ANXA8: variants seen among roughly 807,000 people sequenced by gnomAD.
ANXA8 encodes the protein annexin A8.
ANXA8 carries 9 observed loss-of-function variants against 26.8 expected under a neutral mutation model. That is an observed-to-expected ratio of 0.34 (90% CI 0.20 to 0.59). The LOEUF (loss-of-function observed/expected upper bound fraction) is 0.59, where lower values mean the gene tolerates loss of function less well. Ranked by LOEUF, ANXA8 falls within the 20% of genes least tolerant of loss-of-function variation. The probability of loss-of-function intolerance (pLI) is 0.84; values close to 1 mark genes in which losing one functional copy is unlikely to be tolerated. For missense variants in ANXA8, 83 were observed against 238.5 expected (o/e 0.35, Z 4.29); for synonymous variants, 39 against 94.8 (o/e 0.41, Z 3.42).
chr10:47,487,109 T>C (rs1173425605), upstream of ANXA8: 4 of 1,193,204 alleles, frequency 3.4e-6, no homozygotes, highest in African/African-American at 3.1e-5. Flanking sequence ...ATTCTGTGCA[T>C]GTAATAAATA....
At chr10:47,535,085 C>T in the ANXA8 span, among the ~76,000 whole-genome samples, 1,737 of 121,130 alleles carry the variant, frequency 0.014, 182 homozygotes, top group Admixed American at 0.021. Flanking sequence ...AGCGATTCTC[C>T]GGACTCAGTC....
the ANXA8 span, among the ~76,000 whole-genome samples, chr10:47,969,364 A>C: frequency 5.3e-5 from 8 of 151,122 alleles, no homozygotes; most frequent in African/African-American, 1.9e-4. Flanking sequence ...CTGCTGTAAC[A>C]AATTTCCACA....
chr10:47,600,233 C>T, the ANXA8 span, among the ~76,000 whole-genome samples: 2 of 149,718 alleles, frequency 1.3e-5, no homozygotes, highest in African/African-American at 5.1e-5. Context: ...CAACCCAATG[C>T]CACCCTTTGA....
the ANXA8 span, among the ~76,000 whole-genome samples, chr10:47,558,529 A>G: frequency 3.5e-5 from 5 of 141,490 alleles, no homozygotes; most frequent in South Asian, 2.3e-4. Flanking sequence ...GGGTTTTAAG[A>G]TGTGTGTGTG....
chr10:47,988,554 G>C, the ANXA8 span, among the ~76,000 whole-genome samples: 1 of 127,526 alleles, frequency 7.8e-6, no homozygotes, highest in African/African-American at 2.9e-5. Context: ...TTATAGAGCA[G>C]CCCCAGGAGC....
At chr10:47,692,820 C>T in the ANXA8 span, 1 of 148,832 alleles carries the variant, frequency 6.7e-6, no homozygotes, top group Non-Finnish European at 1.5e-5. Flanking sequence ...CTGCAACCTC[C>T]GCCTCCTGGG....
chr10:47,755,506 C>T, the ANXA8 span, among the ~76,000 whole-genome samples: 6 of 150,568 alleles, frequency 4.0e-5, no homozygotes, highest in Non-Finnish European at 8.8e-5. Flanking sequence ...CTGCCTACCT[C>T]GGCCTCCCAA....
the ANXA8 span, among the ~76,000 whole-genome samples, chr10:47,719,123 G>A: frequency 8.1e-6 from 1 of 123,450 alleles, no homozygotes; most frequent in Non-Finnish European, 1.7e-5. Flanking sequence ...ATATTTTTAC[G>A]TAGAGAGAAG....
chr10:47,743,329 C>CAT, the ANXA8 span, among the ~76,000 whole-genome samples: 1,439 of 47,274 alleles, frequency 0.03, 139 homozygotes, highest in Middle Eastern at 0.068. Context: ...TATATATATA[C>CAT]ATATATATAT....
chr10:47,651,906 C>CAAAACA, the ANXA8 span, among the ~76,000 whole-genome samples: 2 of 150,652 alleles, frequency 1.3e-5, no homozygotes, highest in Non-Finnish European at 2.9e-5. Context: ...AAAAACAAAA[C>CAAAACA]AAAACAAAAA....
the ANXA8 span, among the ~76,000 whole-genome samples, chr10:47,530,176 G>A: frequency 1.4e-5 from 2 of 140,010 alleles, 1 homozygote; most frequent in East Asian, 5.8e-4. Context: ...TGTAAACATT[G>A]TCTTGATTAT....
the ANXA8 span, among the ~76,000 whole-genome samples, chr10:47,562,915 C>A: frequency 6.7e-6 from 1 of 148,942 alleles, no homozygotes; most frequent in Non-Finnish European, 1.5e-5. Flanking sequence ...CTATTCATTG[C>A]CCATGTTTGT....
the ANXA8 span, among the ~76,000 whole-genome samples, chr10:47,499,213 T>C: frequency 1.4e-5 from 2 of 138,594 alleles, no homozygotes; most frequent in Admixed American, 7.3e-5. Flanking sequence ...CAAGATGGAA[T>C]TGCTTTATTC....
At chr10:47,942,151 A>T in the ANXA8 span, among the ~76,000 whole-genome samples, 2 of 147,032 alleles carry the variant, frequency 1.4e-5, 1 homozygote, top group African/African-American at 5.3e-5. Flanking sequence ...TTGTAGTAAC[A>T]TTTTTGTTTG....
At chr10:47,572,219 C>T in the ANXA8 span, among the ~76,000 whole-genome samples, 7 of 145,856 alleles carry the variant, frequency 4.8e-5, no homozygotes, top group Non-Finnish European at 6.0e-5. Context: ...TTTGAAAGGT[C>T]GGTGTTCATT....
At chr10:47,733,229 T>TCTCTC in the ANXA8 span, among the ~76,000 whole-genome samples, 4 of 67,908 alleles carry the variant, frequency 5.9e-5, no homozygotes, top group East Asian at 5.6e-4. Context: ...TTCTCTTTCT[T>TCTCTC]TCTCTCTTTC....
At chr10:47,594,860 A>T in the ANXA8 span, among the ~76,000 whole-genome samples, 1 of 149,146 alleles carries the variant, frequency 6.7e-6, no homozygotes, top group East Asian at 1.9e-4. Flanking sequence ...AATTCAAGAA[A>T]ATATTCTCAA....
chr10:47,902,813 TG>T, the ANXA8 span, among the ~76,000 whole-genome samples: 2 of 149,162 alleles, frequency 1.3e-5, no homozygotes, highest in Middle Eastern at 3.5e-3. Flanking sequence ...CATATAATTT[TG>T]GAACATATAT....
At chr10:47,684,177 G>A in the ANXA8 span, among the ~76,000 whole-genome samples, 1 of 152,078 alleles carries the variant, frequency 6.6e-6, no homozygotes. Flanking sequence ...AACCCTCTGA[G>A]TACACCTAAA....
Sources: allele counts gnomAD v4.1 joint callset (sites outside exome capture counted in the v4.1 genomes callset), GRCh38; gene constraint gnomAD v4.1.1; transcripts MANE v1.5; gene names NCBI Gene and HGNC (gene_info 2026-07-23, HGNC 2026-07-21).